Variants in TANC2 observed in about 807,000 individuals in gnomAD.
The protein encoded by TANC2 is protein TANC2.
TANC2 carries 26 observed loss-of-function variants against 210.5 expected under a neutral mutation model. The ratio of observed to expected loss-of-function variants is 0.12; its 90% CI spans 0.09 to 0.17. The LOEUF (loss-of-function observed/expected upper bound fraction) is 0.17. Ranked by LOEUF, TANC2 falls within the 10% of genes least tolerant of loss-of-function variation. TANC2 has a pLI of 1.00. For missense variants in TANC2, 2,129 were observed against 2,608.9 expected (o/e 0.82, Z 4.01); for synonymous variants, 931 against 967.1 (o/e 0.96, Z 0.69).
At chr17:63,382,910 G>A (rs1158474310) in intron 15 of TANC2, among the ~76,000 whole-genome samples, 2 of 152,130 alleles carry the variant, frequency 1.3e-5, no homozygotes, top group Non-Finnish European at 2.9e-5. Flanking sequence ...CTCTATAGAT[G>A]TAGGTCAGTG....
chr17:63,028,587 TAAG>T (rs1405397752), intron 2 of TANC2, among the ~76,000 whole-genome samples: 3 of 152,168 alleles, frequency 2.0e-5, no homozygotes, highest in African/African-American at 7.2e-5. Flanking sequence ...TCTCGGGTGA[TAAG>T]AATATTTCTT....
chr17:63,297,968 A>G (rs1458490966), intron 9 of TANC2, among the ~76,000 whole-genome samples: 2 of 152,196 alleles, frequency 1.3e-5, no homozygotes, highest in African/African-American at 4.8e-5. Context: ...CAACATCATC[A>G]GTCATTAGGG....
At position 63,413,650 on chromosome 17, in the gene TANC2, G is replaced by C. The variant is rs1374133059; in HGVS notation, c.4020+16G>C. ...GTTTTATAAGGTGAGGGGAGGGAGG[G>C]ACACAGTTTCTTCAGAACAGCCACT... On this transcript the variant is annotated intron_variant, in intron 25 of 27. Transcript: ENST00000689528. 74 of 1,557,280 alleles carry C rather than the reference G, an allele frequency of 4.8e-5. No individual in the cohort carries two copies. The highest frequency in any genetic ancestry group is 1.7e-4 in the Middle Eastern group (1 of 5,972).
chr17:63,075,361 T>C (rs1341141516), intron 3 of TANC2, among the ~76,000 whole-genome samples: 4 of 152,162 alleles, frequency 2.6e-5, no homozygotes, highest in African/African-American at 9.6e-5. Context: ...TTAACAAAGC[T>C]AAAACTTCAA....
intron 9 of TANC2, 84 bp downstream of exon 9, chr17:63,267,957 C>A: frequency 6.9e-7 from 1 of 1,458,762 alleles, no homozygotes. Context: ...TCTCCTATTC[C>A]CATACTTACT....
intron 5 of TANC2, among the ~76,000 whole-genome samples, chr17:63,158,257 C>T (rs1208101284): frequency 6.6e-6 from 1 of 152,106 alleles, no homozygotes; most frequent in Non-Finnish European, 1.5e-5. Flanking sequence ...ATAGTAATAT[C>T]ACTCACTCCA....
At chr17:63,263,590 G>A (rs1253535703) in intron 8 of TANC2, among the ~76,000 whole-genome samples, 2 of 151,964 alleles carry the variant, frequency 1.3e-5, no homozygotes, top group East Asian at 1.9e-4. Context: ...CTTGAAATTA[G>A]CTGATTCTAC....
intron 11 of TANC2, among the ~76,000 whole-genome samples, chr17:63,325,891 G>A (rs1486433814): frequency 6.6e-6 from 1 of 152,180 alleles, no homozygotes; most frequent in Non-Finnish European, 1.5e-5. Context: ...TACTTAGACT[G>A]TTTATGTGTG....
At chr17:63,379,091 C>T (rs2047520589) in intron 14 of TANC2, among the ~76,000 whole-genome samples, 1 of 152,130 alleles carries the variant, frequency 6.6e-6, no homozygotes. Context: ...TTCTGAGGAA[C>T]ACTGACATTT....
chr17:63,401,313 G>A, intron 19 of TANC2, among the ~76,000 whole-genome samples: 1 of 152,148 alleles, frequency 6.6e-6, no homozygotes, highest in East Asian at 1.9e-4. Flanking sequence ...TGGTCGTGAT[G>A]TTTCCTATAA....
intron 5 of TANC2, among the ~76,000 whole-genome samples, chr17:63,183,128 A>G (rs1188877036): frequency 6.6e-6 from 1 of 152,204 alleles, no homozygotes; most frequent in Non-Finnish European, 1.5e-5. Context: ...TTCATTATTA[A>G]ATATACTCTT....
intron 2 of TANC2, among the ~76,000 whole-genome samples, chr17:63,010,226 G>A (rs2033804381): frequency 6.6e-6 from 1 of 152,006 alleles, no homozygotes; most frequent in Admixed American, 6.6e-5. Flanking sequence ...TTTTTCTGCA[G>A]TTTATAAATT....
Position 63,412,258 on chromosome 17 carries a change from A to T in TANC2, c.3898+128A>T. 2 of 1,339,908 alleles carry T rather than the reference A, an allele frequency of 1.5e-6. No homozygotes were observed. The highest frequency in any genetic ancestry group is 2.0e-6 in the Non-Finnish European group (2 of 980,352). 83.0% of individuals were successfully genotyped at this position (1,339,908 alleles called of 1,614,324 possible). A position where few individuals can be genotyped will look rare whatever the true frequency, so the allele number is the denominator to read the frequency against. ...CTCCTCCCTGGCCCAATTATTGTCC[A>T]AGTGAACAGAGAGGCTCTTGGCCCA... On this transcript the variant is annotated intron_variant, in intron 23 of 27. Transcript: ENST00000689528. The surrounding 1 kb of genome is among the most constrained non-coding windows in gnomAD (Gnocchi z 4.2).
At chr17:63,237,779 G>A (rs1377417626) in intron 7 of TANC2, 35 bp from the exon 8 acceptor site, 2 of 1,511,620 alleles carry the variant, frequency 1.3e-6, no homozygotes, top group African/African-American at 1.4e-5. Context: ...TATGTATGTG[G>A]CTTTATTAAA....
intron 1 of TANC2, among the ~76,000 whole-genome samples, chr17:63,005,378 A>G (rs899298120): frequency 1.3e-5 from 2 of 152,078 alleles, no homozygotes; most frequent in Non-Finnish European, 2.9e-5. Context: ...GGTGGTATAA[A>G]TGCCCAAGCC....
intron 12 of TANC2, among the ~76,000 whole-genome samples, chr17:63,340,901 G>A (rs1448777472): frequency 1.3e-5 from 2 of 152,178 alleles, no homozygotes; most frequent in Non-Finnish European, 2.9e-5. Flanking sequence ...AAAATTAAAT[G>A]AGATCCATCT....
Position 63,047,637 on chromosome 17 carries a change from T to C in TANC2, c.68-26306T>C, listed in dbSNP as rs773133123. Among the ~76,000 whole-genome samples, 6 of 152,284 alleles carry C rather than the reference T, an allele frequency of 3.9e-5. No homozygotes were observed. The South Asian group carries it at 8.3e-4, about 21-fold the overall frequency. ...GGGTATTTCAAAAAGGCAGTTGTTA[T>C]ATAGACAGACTTTTCCAATTTATAT... On this transcript the variant is annotated intron_variant, in intron 2 of 27. Coordinates refer to ENST00000689528, the Ensembl canonical transcript of TANC2.
chr17:63,106,155 C>T (rs1381162415), intron 4 of TANC2, among the ~76,000 whole-genome samples: 3 of 151,378 alleles, frequency 2.0e-5, no homozygotes, highest in African/African-American at 4.9e-5. Context: ...GCCCTTATTT[C>T]CTTGAAGAGG....
intron 9 of TANC2, among the ~76,000 whole-genome samples, chr17:63,310,601 G>T (rs1212782700): frequency 6.6e-6 from 1 of 152,064 alleles, no homozygotes; most frequent in East Asian, 1.9e-4. Flanking sequence ...ACAAACGCAG[G>T]CATTCCAATA....
Sources: allele counts gnomAD v4.1 joint callset (sites outside exome capture counted in the v4.1 genomes callset), GRCh38; gene constraint gnomAD v4.1.1; non-coding constraint Gnocchi (gnomAD v3.1); transcripts MANE v1.5; gene names NCBI Gene and HGNC (gene_info 2026-07-23, HGNC 2026-07-21).